Variants in SAMMSON observed in about 807,000 individuals in gnomAD.
SAMMSON encodes the protein survival associated mitochondrial melanoma specific oncogenic non-coding RNA, also known as long intergenic non-protein coding RNA 1212.
intron 8 of SAMMSON, among the ~76,000 whole-genome samples, chr3:70,355,081 G>T (rs1313054445): frequency 6.6e-6 from 1 of 152,132 alleles, no homozygotes; most frequent in East Asian, 1.9e-4. Flanking sequence ...CCTGGCCAGT[G>T]CAAAGAACAC....
chr3:70,382,693 A>G (rs1284418277), intron 9 of SAMMSON, among the ~76,000 whole-genome samples: 1 of 151,438 alleles, frequency 6.6e-6, no homozygotes, highest in Non-Finnish European at 1.5e-5. Flanking sequence ...AGAGATTGAG[A>G]GTGTTGTAAA....
At chr3:70,020,155 T>G (rs1231620204) in intron 3 of SAMMSON, among the ~76,000 whole-genome samples, 1 of 152,124 alleles carries the variant, frequency 6.6e-6, no homozygotes, top group East Asian at 1.9e-4. Flanking sequence ...AATTATGTGA[T>G]TAGCCAAATC....
chr3:70,045,009 TATATATA>T (rs2067119058), intron 3 of SAMMSON, among the ~76,000 whole-genome samples: 1 of 126,788 alleles, frequency 7.9e-6, no homozygotes, highest in Non-Finnish European at 1.6e-5. Flanking sequence ...ATTAATTATA[TATATATA>T]ATTAATTATA....
At chr3:70,229,501 T>C (rs1037266921) in intron 4 of SAMMSON, among the ~76,000 whole-genome samples, 2 of 152,228 alleles carry the variant, frequency 1.3e-5, no homozygotes, top group African/African-American at 4.8e-5. Flanking sequence ...TAAACTATAT[T>C]TTTCTGGTTT....
At chr3:70,301,789 T>G (rs1702351041) in intron 7 of SAMMSON, among the ~76,000 whole-genome samples, 1 of 152,218 alleles carries the variant, frequency 6.6e-6, no homozygotes, top group South Asian at 2.1e-4. Flanking sequence ...ATTCAAGATA[T>G]TGAACATAAA....
At chr3:70,206,150 A>C (rs148606372) in intron 4 of SAMMSON, among the ~76,000 whole-genome samples, 1 of 152,056 alleles carries the variant, frequency 6.6e-6, no homozygotes, top group African/African-American at 2.4e-5. Flanking sequence ...AGATGTAAAC[A>C]TCTTAATTTT....
chr3:70,131,871 C>T (rs532784271), intron 4 of SAMMSON, among the ~76,000 whole-genome samples: 3 of 152,168 alleles, frequency 2.0e-5, no homozygotes, highest in East Asian at 1.9e-4. Flanking sequence ...AGACACTATG[C>T]GTGGTCAGGA....
Position 70,269,042 on chromosome 3 carries a change from T to G in SAMMSON, n.674+19372T>G, listed in dbSNP as rs576786655. The stretch of plus-strand genomic sequence containing the variant: ...AGAAAAGAATTCTATTGTGATAGGA[T>G]ATATTATTGTCCCTTTATCAACCTG... On this transcript the variant is annotated intron_variant and non_coding_transcript_variant, in intron 6 of 9. Coordinates refer to ENST00000642114, the Ensembl canonical transcript of SAMMSON. Among the ~76,000 whole-genome samples, 31 of 152,240 alleles carry G rather than the reference T, an allele frequency of 2.0e-4. 2 individuals are homozygous for G. Among genetic ancestry groups the G allele is most frequent in the South Asian group, 1.7e-3 (8 of 4,830 alleles).
chr3:70,188,106 T>A (rs1701105797), intron 4 of SAMMSON, among the ~76,000 whole-genome samples: 2 of 152,194 alleles, frequency 1.3e-5, no homozygotes, highest in Non-Finnish European at 2.9e-5. Flanking sequence ...CCTTTTTAAA[T>A]CCTCAAAATG....
intron 3 of SAMMSON, among the ~76,000 whole-genome samples, chr3:70,030,991 T>C (rs892874620): frequency 6.6e-6 from 1 of 152,142 alleles, no homozygotes; most frequent in African/African-American, 2.4e-5. Context: ...GTTCAGCAAT[T>C]TCTCCAAATT....
At chr3:70,260,655 TCAGACTGCCCTCTTTATA>T (rs1701857641) in intron 6 of SAMMSON, among the ~76,000 whole-genome samples, 1 of 152,052 alleles carries the variant, frequency 6.6e-6, no homozygotes, top group Non-Finnish European at 1.5e-5. Context: ...ACAACTTCTG[TCAGACTGCCCTCTTTATA>T]CAGCTGTTCT....
At chr3:70,106,978 T>C (rs940645803) in intron 4 of SAMMSON, among the ~76,000 whole-genome samples, 21 of 152,166 alleles carry the variant, frequency 1.4e-4, no homozygotes, top group African/African-American at 5.1e-4. Flanking sequence ...CATCCACAAC[T>C]CACATTGCTG....
chr3:70,335,759 C>A (rs1247338992), intron 7 of SAMMSON, among the ~76,000 whole-genome samples: 1 of 151,898 alleles, frequency 6.6e-6, no homozygotes, highest in African/African-American at 2.4e-5. Context: ...TTTATTATGG[C>A]ATTGACAAAG....
intron 7 of SAMMSON, among the ~76,000 whole-genome samples, chr3:70,304,919 C>T (rs1186166359): frequency 6.6e-6 from 1 of 151,888 alleles, no homozygotes; most frequent in African/African-American, 2.4e-5. Flanking sequence ...TTTCCTTTCC[C>T]TTCCTTCCTT....
chr3:70,379,686 A>G (rs1272333582), intron 9 of SAMMSON, among the ~76,000 whole-genome samples: 1 of 152,168 alleles, frequency 6.6e-6, no homozygotes, highest in East Asian at 1.9e-4. Context: ...GCTGAAGACC[A>G]TCTGCTTATA....
intron 4 of SAMMSON, among the ~76,000 whole-genome samples, chr3:70,099,394 G>A (rs369262797): frequency 7.9e-5 from 12 of 152,074 alleles, no homozygotes; most frequent in African/African-American, 2.4e-4. Context: ...TCAGATTTGT[G>A]TATCTGATGG....
At chr3:70,206,233 G>A (rs889550628) in intron 4 of SAMMSON, among the ~76,000 whole-genome samples, 1 of 151,954 alleles carries the variant, frequency 6.6e-6, no homozygotes, top group African/African-American at 2.4e-5. Context: ...TCTGACTAGA[G>A]TTATAGACTG....
chr3:70,358,770 A>G (rs1032794164), intron 9 of SAMMSON, among the ~76,000 whole-genome samples: 2 of 152,260 alleles, frequency 1.3e-5, no homozygotes, highest in Non-Finnish European at 1.5e-5. Context: ...ATTTCCTGGC[A>G]AGAAGTATTA....
chr3:70,166,071 GA>G, intron 4 of SAMMSON, among the ~76,000 whole-genome samples: 1 of 152,066 alleles, frequency 6.6e-6, no homozygotes, highest in East Asian at 1.9e-4. Context: ...GCTTCTTTAT[GA>G]AGCTTCTAGA....
Sources: gnomAD v4.1 joint callset for allele counts (sites outside exome capture counted in the v4.1 genomes callset) on GRCh38, gnomAD v4.1.1 for gene constraint, MANE v1.5 for transcripts, NCBI Gene and HGNC (gene_info 2026-07-23, HGNC 2026-07-21) for gene names.